TIAM1: variants seen among roughly 807,000 people sequenced by gnomAD.
The protein encoded by TIAM1 is rho guanine nucleotide exchange factor TIAM1.
A neutral mutation model predicts 163.5 loss-of-function variants in TIAM1; 65 were observed. The ratio of observed to expected loss-of-function variants is 0.40; its 90% CI spans 0.33 to 0.49. TIAM1 has a LOEUF of 0.49. Ranked by LOEUF, TIAM1 falls within the 20% of genes least tolerant of loss-of-function variation. TIAM1 has a pLI of 0.77. For synonymous variants in TIAM1, 833 were observed against 810.1 expected (o/e 1.03, Z -0.48); for missense variants, 1,789 against 2,044.7 (o/e 0.87, Z 2.41).
chr21:31,537,550 A>C (rs2048179651), intron 1 of TIAM1, among the ~76,000 whole-genome samples: 1 of 152,044 alleles, frequency 6.6e-6, no homozygotes, highest in Non-Finnish European at 1.5e-5. Context: ...CCAGGAGTTC[A>C]AGACCAGCCT....
At chr21:31,499,338 T>C (rs1033517537) in intron 1 of TIAM1, among the ~76,000 whole-genome samples, 1 of 151,708 alleles carries the variant, frequency 6.6e-6, no homozygotes, top group Non-Finnish European at 1.5e-5. Context: ...GGTGGACAAA[T>C]CACTTGAGCC....
In TIAM1 at chr21:31,406,878, T is replaced by G. The variant is rs762260652; in HGVS notation, c.-369+57105A>C. Among the ~76,000 whole-genome samples, 9 of 152,010 alleles carry G rather than the reference T, an allele frequency of 5.9e-5. 1 individual carries two copies. Among genetic ancestry groups the G allele is most frequent in the Middle Eastern group, 6.8e-3 (2 of 294 alleles). On this transcript the variant is annotated intron_variant, in intron 2 of 28. Coordinates refer to the TIAM1 transcript ENST00000286827. ...CACAAAGTTTGTGCCATTAGATGAG[T>G]TTTTTAAGTTCTGCAGATCACTCTA...
chr21:31,490,696 T>C (rs1368439826), intron 1 of TIAM1, among the ~76,000 whole-genome samples: 1 of 152,204 alleles, frequency 6.6e-6, no homozygotes, highest in Admixed American at 6.5e-5. Flanking sequence ...GGAAGTAGAC[T>C]GGGGAGTTCC....
chr21:31,476,206 T>G (rs1430314020), intron 1 of TIAM1, among the ~76,000 whole-genome samples: 1 of 152,222 alleles, frequency 6.6e-6, no homozygotes, highest in African/African-American at 2.4e-5. Context: ...GATTAGCCAA[T>G]TAAACTCAAT....
intron 2 of TIAM1, among the ~76,000 whole-genome samples, chr21:31,384,135 C>A (rs1487428398): frequency 1.3e-5 from 2 of 152,006 alleles, no homozygotes; most frequent in African/African-American, 4.8e-5. Context: ...AGATGCACTT[C>A]CAGTCTCAAG....
At chr21:31,501,602 G>C (rs1256521577) in intron 1 of TIAM1, among the ~76,000 whole-genome samples, 3 of 151,896 alleles carry the variant, frequency 2.0e-5, no homozygotes, top group Non-Finnish European at 4.4e-5. Flanking sequence ...TTGTTTGTTT[G>C]TTTGTTTGTT....
intron 1 of TIAM1, among the ~76,000 whole-genome samples, chr21:31,469,023 G>A (rs1338757957): frequency 6.6e-6 from 1 of 151,080 alleles, no homozygotes; most frequent in Non-Finnish European, 1.5e-5. Flanking sequence ...TTTCTCTCAG[G>A]CTTCAGTTCT....
chr21:31,311,173 T>G (rs1477642880), intron 2 of TIAM1, among the ~76,000 whole-genome samples: 3 of 29,012 alleles, frequency 1.0e-4, no homozygotes, highest in African/African-American at 2.8e-4. Flanking sequence ...GTTTGTTTTG[T>G]TTTTTTTTTT....
chr21:31,474,810 T>C (rs1380054031), intron 1 of TIAM1, among the ~76,000 whole-genome samples: 1 of 151,942 alleles, frequency 6.6e-6, no homozygotes, highest in Non-Finnish European at 1.5e-5. Flanking sequence ...CCTCTCAAAG[T>C]GCTGGGATTA....
intron 2 of TIAM1, among the ~76,000 whole-genome samples, chr21:31,385,327 T>A (rs538722653): frequency 6.6e-6 from 1 of 152,240 alleles, no homozygotes; most frequent in East Asian, 1.9e-4. Context: ...TATAGATTTT[T>A]AAAAAACAGA....
At chr21:31,413,900 G>A (rs1022482797) in intron 2 of TIAM1, among the ~76,000 whole-genome samples, 4 of 152,112 alleles carry the variant, frequency 2.6e-5, no homozygotes, top group Non-Finnish European at 5.9e-5. Context: ...CCCGCAACAC[G>A]AGCTGGGGTT....
intron 3 of TIAM1, among the ~76,000 whole-genome samples, chr21:31,274,900 C>T (rs1274838709): frequency 6.9e-6 from 1 of 145,198 alleles, no homozygotes; most frequent in Non-Finnish European, 1.5e-5. Flanking sequence ...CTTGAGGTCA[C>T]GAGTTTGAGA....
chr21:31,141,131 C>A lies in TIAM1; in HGVS notation c.3761G>T (p.Gly1254Val), dbSNP rs767264861. ...GGGGACCCTCACCTCTTTTTTCTCA[C>A]CAGTCTGTTCAGCAATCAGCTGGTC... ...VFDQLIAEQTGEKKEVADLSM... is the reference protein window; with the variant it reads ...VFDQLIAEQTVEKKEVADLSM... Residue 1254 changes from glycine to valine, a missense_variant, in exon 22 of 28, where the codon GGT becomes GTT. By Grantham distance (109) the Gly-to-Val change is moderately radical. Transcript: ENST00000541036. The surrounding 1 kb of genome is among the most constrained non-coding windows in gnomAD (Gnocchi z 4.7). The A allele has an allele frequency of 6.2e-7, 1 of 1,613,018 alleles. No homozygotes were observed. Among genetic ancestry groups the A allele is most frequent in the East Asian group, 2.2e-5 (1 of 44,868 alleles).
At chr21:31,305,315 C>CGAT (rs1450904895) in intron 2 of TIAM1, among the ~76,000 whole-genome samples, 1 of 151,470 alleles carries the variant, frequency 6.6e-6, no homozygotes, top group African/African-American at 2.4e-5. Flanking sequence ...ACCGAATAAG[C>CGAT]GATTGGTTCT....
At chr21:31,328,406 T>C (rs755773375) in intron 2 of TIAM1, among the ~76,000 whole-genome samples, 1 of 152,138 alleles carries the variant, frequency 6.6e-6, no homozygotes, top group Non-Finnish European at 1.5e-5. Context: ...GGTGTCACTC[T>C]GTCGCCCAGG....
chr21:31,268,120 A>G (rs1333118818), intron 3 of TIAM1, among the ~76,000 whole-genome samples: 2 of 152,180 alleles, frequency 1.3e-5, no homozygotes, highest in Non-Finnish European at 2.9e-5. Flanking sequence ...AAGAAGAAAA[A>G]CAGAGTAACT....
intron 15 of TIAM1, among the ~76,000 whole-genome samples, chr21:31,165,561 C>T (rs1173526610): frequency 6.6e-6 from 1 of 152,086 alleles, no homozygotes; most frequent in African/African-American, 2.4e-5. Context: ...GGTTAGTACC[C>T]AGATGATGGG....
intron 14 of TIAM1, among the ~76,000 whole-genome samples, chr21:31,184,909 G>A (rs571039333): frequency 3.3e-5 from 5 of 152,100 alleles, no homozygotes; most frequent in Non-Finnish European, 4.4e-5. Context: ...AGCCAAGTCC[G>A]CGGTTGTGCT....
At chr21:31,294,604 T>C (rs16988092) in intron 2 of TIAM1, among the ~76,000 whole-genome samples, 3,523 of 152,312 alleles carry the variant, frequency 0.023, 143 homozygotes, top group African/African-American at 0.082. Flanking sequence ...TTAAAAATGT[T>C]GGGCTTCACA....
Sources: allele counts gnomAD v4.1 joint callset (sites outside exome capture counted in the v4.1 genomes callset), GRCh38; gene constraint gnomAD v4.1.1; non-coding constraint Gnocchi (gnomAD v3.1); transcripts MANE v1.5; gene names NCBI Gene and HGNC (gene_info 2026-07-23, HGNC 2026-07-21).